TXNDC8: variants seen among roughly 807,000 people sequenced by gnomAD.
TXNDC8 encodes thioredoxin domain-containing protein 8.
TXNDC8 carries 15 observed loss-of-function variants against 12.9 expected under a neutral mutation model. The observed-to-expected ratio is 1.16, with a 90% CI of 0.78 to 1.79. The LOEUF (loss-of-function observed/expected upper bound fraction) is 1.79, where lower values mean the gene tolerates loss of function less well. Among genes scored for constraint, TXNDC8 ranks in the 40% most tolerant of loss-of-function variants. TXNDC8 has a pLI of 0.00. For synonymous variants in TXNDC8, 40 were observed against 35.4 expected, an observed-to-expected ratio of 1.13 and a Z score of -0.46; for missense variants, 128 against 113.2, an observed-to-expected ratio of 1.13 and a Z score of -0.59.
chr9:110,319,466 A>C lies in TXNDC8; in HGVS notation c.195+6709T>G, dbSNP rs1045749672. ...TAGGCACTTTAGATACAATATCACA[A>C]ATTTGTCTGACAGTTGTTTAAACAT... On this transcript the variant is annotated intron_variant, in intron 3 of 4. Coordinates refer to ENST00000423740, the MANE Select transcript of TXNDC8 (RefSeq NM_001286946.2). Among the ~76,000 whole-genome samples, 45 of 152,304 alleles carry C rather than the reference A, an allele frequency of 3.0e-4. 1 individual carries two copies. The highest frequency in any genetic ancestry group is 2.8e-3 in the Admixed American group (43 of 15,298).
chr9:110,301,259 G>C (rs1471693554), downstream of TXNDC8, among the ~76,000 whole-genome samples: 1 of 152,144 alleles, frequency 6.6e-6, no homozygotes, highest in Non-Finnish European at 1.5e-5. Context: ...TTTTCTCCCA[G>C]AGAACCAGTT....
intron 2 of TXNDC8, among the ~76,000 whole-genome samples, chr9:110,326,441 A>G (rs1410751538): frequency 1.3e-5 from 2 of 152,190 alleles, no homozygotes; most frequent in Non-Finnish European, 2.9e-5. Flanking sequence ...ATAGAAAATG[A>G]TCGTTACAGC....
chr9:110,304,838 G>T (rs1274859858), intron 3 of TXNDC8, among the ~76,000 whole-genome samples: 1 of 152,098 alleles, frequency 6.6e-6, no homozygotes, highest in Non-Finnish European at 1.5e-5. Flanking sequence ...AATTCATTTT[G>T]CCTGTTTTTG....
At chr9:110,332,973 T>G (rs1839601608) in intron 2 of TXNDC8, among the ~76,000 whole-genome samples, 1 of 152,094 alleles carries the variant, frequency 6.6e-6, no homozygotes, top group South Asian at 2.1e-4. Context: ...GTGAAACGAG[T>G]GAGTCACCAT....
chr9:110,304,890 G>A (rs1838369670), intron 3 of TXNDC8, among the ~76,000 whole-genome samples: 1 of 152,174 alleles, frequency 6.6e-6, no homozygotes, highest in Non-Finnish European at 1.5e-5. Flanking sequence ...GCTCATGCCT[G>A]TAATCTGAGC....
chr9:110,334,614 C>A (rs972741889), intron 1 of TXNDC8, among the ~76,000 whole-genome samples: 5 of 152,098 alleles, frequency 3.3e-5, no homozygotes, highest in Admixed American at 2.0e-4. Context: ...CCTTAAATGT[C>A]CCTCATGTCA....
At chr9:110,318,660 G>C (rs1017785713) in intron 3 of TXNDC8, among the ~76,000 whole-genome samples, 9 of 152,064 alleles carry the variant, frequency 5.9e-5, no homozygotes, top group African/African-American at 2.2e-4. Flanking sequence ...ATGGCGTGAA[G>C]CCGGGAGGCG....
intron 3 of TXNDC8, among the ~76,000 whole-genome samples, chr9:110,325,676 A>G (rs1839286327): frequency 6.6e-6 from 1 of 151,756 alleles, no homozygotes; most frequent in Non-Finnish European, 1.5e-5. Flanking sequence ...GCCCGCCACC[A>G]CGCCTGGCTA....
chr9:110,303,646 T>A lies in TXNDC8; in HGVS notation c.*36A>T. ...TCAAGTGCTGCGAAAATGTTGAGGC[T>A]TTAAGGAATTTTATTCCTGATTGAA... On this transcript the variant is annotated 3_prime_UTR_variant, in exon 5 of 5. Transcript: ENST00000423740. 3 of 1,595,436 alleles carry A rather than the reference T, an allele frequency of 1.9e-6. No individual in the cohort carries two copies. The highest frequency in any genetic ancestry group is 2.6e-6 in the Non-Finnish European group (3 of 1,168,694).
chr9:110,323,098 A>G, intron 3 of TXNDC8: 14 of 985,404 alleles, frequency 1.4e-5, no homozygotes, highest in Non-Finnish European at 1.7e-5. Flanking sequence ...TTAAAAAAGG[A>G]TGCCATACAG....
intron 3 of TXNDC8, among the ~76,000 whole-genome samples, chr9:110,306,634 C>G (rs978496645): frequency 1.3e-5 from 2 of 152,260 alleles, no homozygotes; most frequent in South Asian, 4.1e-4. Context: ...TTACTGTGAA[C>G]AAAACTGACA....
intron 3 of TXNDC8, chr9:110,324,035 G>A (rs1258458663): frequency 6.5e-7 from 1 of 1,544,318 alleles, no homozygotes; most frequent in Admixed American, 2.0e-5. Flanking sequence ...ATGCAAAAGG[G>A]AGTGGTTCCT....
chr9:110,303,521 T>A lies in TXNDC8; in HGVS notation c.*161A>T, dbSNP rs1255709209. ...AGTGTATTTTGCCTTGGAGATCAGC[T>A]TACATTAATTCTTGAGTCTTGGCTT... On this transcript the variant is annotated 3_prime_UTR_variant, in exon 5 of 5. Coordinates refer to ENST00000423740, the MANE Select transcript of TXNDC8 (RefSeq NM_001286946.2). The A allele has an allele frequency of 6.6e-7, 1 of 1,526,196 alleles. No individual in the cohort carries two copies. 94.5% of individuals were successfully genotyped at this position (1,526,196 alleles called of 1,614,324 possible).
downstream of TXNDC8, among the ~76,000 whole-genome samples, chr9:110,302,522 T>C (rs1158679654): frequency 6.6e-6 from 1 of 152,230 alleles, no homozygotes; most frequent in Non-Finnish European, 1.5e-5. Flanking sequence ...AGCTCCACTC[T>C]GTCTATGACT....
chr9:110,334,042 A>T (rs1839647389), intron 2 of TXNDC8, among the ~76,000 whole-genome samples, 174 bp downstream of exon 2: 1 of 152,222 alleles, frequency 6.6e-6, no homozygotes, highest in Non-Finnish European at 1.5e-5. Context: ...TCTGGTGTGT[A>T]CACTTATTAT....
chr9:110,315,840 G>A (rs1373434676), intron 3 of TXNDC8, among the ~76,000 whole-genome samples: 2 of 149,774 alleles, frequency 1.3e-5, no homozygotes, highest in Non-Finnish European at 3.0e-5. Context: ...TTGGCGGCAG[G>A]GGAGGGGGTT....
intron 3 of TXNDC8, among the ~76,000 whole-genome samples, chr9:110,310,802 T>C (rs755190645): frequency 6.6e-6 from 1 of 152,244 alleles, no homozygotes; most frequent in Non-Finnish European, 1.5e-5. Context: ...TACTTATCCC[T>C]GCTAAACACT....
At chr9:110,325,641 C>T (rs939221433) in intron 3 of TXNDC8, among the ~76,000 whole-genome samples, 2 of 152,066 alleles carry the variant, frequency 1.3e-5, no homozygotes, top group South Asian at 2.1e-4. Flanking sequence ...CTGCCTCAGC[C>T]TCTCGAGTAC....
intron 3 of TXNDC8, among the ~76,000 whole-genome samples, chr9:110,309,339 T>C (rs1056962237): frequency 6.6e-6 from 1 of 152,042 alleles, no homozygotes; most frequent in African/African-American, 2.4e-5. Flanking sequence ...ATTTTATTTA[T>C]TTATTTATTT....
Sources: allele counts gnomAD v4.1 joint callset (sites outside exome capture counted in the v4.1 genomes callset), GRCh38; gene constraint gnomAD v4.1.1; transcripts MANE v1.5; gene names NCBI Gene and HGNC (gene_info 2026-07-23, HGNC 2026-07-21).